FXR1: variants seen among roughly 807,000 people sequenced by gnomAD.
FXR1 encodes the protein RNA-binding protein FXR1.
FXR1 carries 15 observed loss-of-function variants against 84.0 expected under a neutral mutation model. The observed-to-expected ratio is 0.18, with a 90% CI of 0.12 to 0.27. The LOEUF is 0.27. FXR1 is among the 10% of genes least tolerant of loss of function. The pLI is 1.00. For synonymous variants in FXR1, 245 were observed against 250.7 expected (o/e 0.98, Z 0.21); for missense variants, 480 against 774.4 (o/e 0.62, Z 4.51).
Position 180,962,908 on chromosome 3 carries a change from G to A in FXR1, c.1103G>A (p.Arg368His), listed in dbSNP as rs1392737445. 5 of 1,611,502 alleles carry A rather than the reference G, an allele frequency of 3.1e-6. No individual in the cohort carries two copies. The African/African-American group carries it at 4.0e-5, about 13-fold the overall frequency. ...GAAGTAGAACAGCTAAGAATGGAAC[G>A]CCTACAGATTGATGAACAGCTGCGA... ...LKEVEQLRME[R>H]LQIDEQLRQI... Residue 368 changes from arginine (R) to histidine (H), a missense_variant, in exon 12 of 17, where the codon CGC (arginine) becomes CAC (histidine). Arg to His is a conservative substitution (Grantham distance 29). This residue lies in a region of FXR1 where 6 missense variants were observed against 32.8 expected (regional missense o/e 0.18). Coordinates refer to ENST00000357559, the MANE Select transcript of FXR1 (RefSeq NM_005087.4).
In FXR1 at chr3:180,979,409, G is replaced by A. The variant is rs1400487649; in HGVS notation, c.*3117G>A. The stretch of plus-strand genomic sequence containing the variant: ...TTCAAGGAACTTGGATTTGAACTGT[G>A]AATCTACTGTTTTGGCAAAAAATCT... On this transcript the variant is annotated 3_prime_UTR_variant, in exon 17 of 17. Transcript: ENST00000357559. The A allele has an allele frequency of 6.6e-6, 1 of 152,056 alleles. No homozygotes were observed. The highest frequency in any genetic ancestry group is 6.6e-5 in the Admixed American group (1 of 15,250). The allele number at this position is 152,056 out of a possible 1,614,324, so 9.4% of individuals were successfully genotyped here.
intron 2 of FXR1, among the ~76,000 whole-genome samples, chr3:180,934,811 T>C (rs560512885): frequency 1.3e-5 from 2 of 152,230 alleles, no homozygotes; most frequent in African/African-American, 2.4e-5. Flanking sequence ...TAGTCATCAC[T>C]GTGAACTTAG....
At position 180,947,847 on chromosome 3, in the gene FXR1, ATT is replaced by A; in HGVS notation, c.199-10_199-9del. On this transcript the variant is annotated splice_polypyrimidine_tract_variant and intron_variant, in intron 3 of 16. Coordinates refer to ENST00000357559, the MANE Select transcript of FXR1 (RefSeq NM_005087.4). ...TCTTTTGGGATGAATGGATATAGGC[ATT>A]TTTTTTTCTTCTCAGGTATATTCAA... The A allele has an allele frequency of 4.0e-6, 6 of 1,493,766 alleles. No individual in the cohort carries two copies. The highest frequency in any genetic ancestry group is 1.2e-5 in the South Asian group (1 of 82,130). The allele number at this position is 1,493,766 out of a possible 1,614,324, so 92.5% of individuals were successfully genotyped here.
chr3:180,965,592 CAGT>C (rs1712721929), intron 13 of FXR1, among the ~76,000 whole-genome samples: 1 of 152,144 alleles, frequency 6.6e-6, no homozygotes, highest in South Asian at 2.1e-4. Flanking sequence ...ATTCCCCTTT[CAGT>C]AGTTTAGAAA....
chr3:180,948,675 T>C (rs1326277060), intron 5 of FXR1, 46 bp from the exon 6 acceptor site: 1 of 1,078,034 alleles, frequency 9.3e-7, no homozygotes, highest in South Asian at 1.3e-5. Flanking sequence ...CTCCTCTGAC[T>C]TTAATCTGTT....
chr3:180,916,205 C>A (rs1023982234), intron 1 of FXR1, among the ~76,000 whole-genome samples: 4 of 152,088 alleles, frequency 2.6e-5, no homozygotes, highest in Non-Finnish European at 5.9e-5. Context: ...TTTAAGTGTA[C>A]AGTTGAATGA....
chr3:180,951,232 C>T, intron 7 of FXR1, 66 bp from the exon 8 acceptor site: 1 of 1,012,546 alleles, frequency 9.9e-7, no homozygotes, highest in Non-Finnish European at 1.5e-6. Flanking sequence ...GGAAAAAAAC[C>T]AAACCATACA....
At chr3:180,921,731 CAAT>C (rs533705214) in intron 1 of FXR1, among the ~76,000 whole-genome samples, 35 of 152,070 alleles carry the variant, frequency 2.3e-4, no homozygotes, top group Non-Finnish European at 4.4e-4. Flanking sequence ...TGTTGGCTGA[CAAT>C]AAGATATATT....
intron 3 of FXR1, among the ~76,000 whole-genome samples, chr3:180,937,772 C>T (rs370341001): frequency 2.6e-5 from 4 of 151,830 alleles, no homozygotes; most frequent in African/African-American, 9.7e-5. Context: ...GGTAACGTTT[C>T]GAAAGCCTCT....
chr3:180,962,354 C>G lies in FXR1; in HGVS notation c.1078-529C>G, dbSNP rs534146747. Among the ~76,000 whole-genome samples the G allele has an allele frequency of 6.6e-5, 10 of 152,300 alleles. No homozygotes were observed. In the South Asian group the frequency reaches 1.9e-3, roughly 28 times the overall value. ...GAAGCCAGTGCTTTATCTTTCAGTA[C>G]TCATCTTTTAACCAAGAGCTTTCTC... is the stretch of plus-strand genomic sequence containing the variant. On this transcript the variant is annotated intron_variant, in intron 11 of 16. Transcript: ENST00000357559.
rs1327384911 is a variant in FXR1 at position 180,977,086 on chromosome 3, T to C, written c.*794T>C. The C allele has an allele frequency of 1.3e-5, 2 of 152,302 alleles. No homozygotes were observed. The highest frequency in any genetic ancestry group is 2.4e-5 in the African/African-American group (1 of 41,360). 9.4% of individuals were successfully genotyped at this position (152,302 alleles called of 1,614,324 possible). On this transcript the variant is annotated 3_prime_UTR_variant, in exon 17 of 17. Coordinates refer to ENST00000357559, the MANE Select transcript of FXR1 (RefSeq NM_005087.4). The stretch of plus-strand genomic sequence containing the variant: ...ATCTTTTTTTTTTCCTTTTTTTTTT[T>C]TTTATTTCGGTTGTTTGATGTGCAA...
intron 13 of FXR1, among the ~76,000 whole-genome samples, chr3:180,964,697 ATAT>A (rs1712590021): frequency 2.8e-5 from 4 of 142,912 alleles, no homozygotes; most frequent in South Asian, 2.2e-4. Context: ...ATATATATAT[ATAT>A]AATGAGTACT....
intron 2 of FXR1, among the ~76,000 whole-genome samples, chr3:180,934,850 A>G (rs1390281714): frequency 6.6e-6 from 1 of 152,178 alleles, no homozygotes; most frequent in Admixed American, 6.5e-5. Flanking sequence ...TAATGTATGT[A>G]TTGCTCTTAT....
At chr3:180,924,657 A>G (rs1032437292) in intron 1 of FXR1, among the ~76,000 whole-genome samples, 18 of 152,020 alleles carry the variant, frequency 1.2e-4, no homozygotes, top group African/African-American at 4.1e-4. Context: ...AAGATCAACC[A>G]ATTTTTGTAT....
intron 13 of FXR1, among the ~76,000 whole-genome samples, chr3:180,966,725 T>G (rs1047870322): frequency 2.0e-5 from 3 of 152,140 alleles, no homozygotes; most frequent in Non-Finnish European, 4.4e-5. Flanking sequence ...GTGATAGATG[T>G]GGGGCGATTT....
intron 1 of FXR1, among the ~76,000 whole-genome samples, chr3:180,925,619 G>T (rs1301609444): frequency 6.6e-6 from 1 of 152,158 alleles, no homozygotes; most frequent in Non-Finnish European, 1.5e-5. Flanking sequence ...TGACATTTAT[G>T]TCCTGACTGA....
rs542682358 is a variant in FXR1, at chr3:180,965,045, T to C, written c.1198+1955T>C. ...ACTTTTTTTTTTTTGAGACGGAGTT[T>C]CGCTCTTGTTGCCCAGGCTGGAGTG... On this transcript the variant is annotated intron_variant, in intron 13 of 16. Transcript: ENST00000357559. Among the ~76,000 whole-genome samples, 8 of 152,138 alleles carry C rather than the reference T, an allele frequency of 5.3e-5. No individual in the cohort carries two copies. In the East Asian group the frequency reaches 1.6e-3, roughly 30 times the overall value.
intron 3 of FXR1, among the ~76,000 whole-genome samples, chr3:180,937,566 C>T (rs1720665440): frequency 6.6e-6 from 1 of 151,776 alleles, no homozygotes; most frequent in African/African-American, 2.4e-5. Flanking sequence ...CAAATTTGCT[C>T]TCTAGAATTT....
intron 10 of FXR1, 51 bp from the exon 11 acceptor site, chr3:180,961,417 G>T: frequency 1.2e-6 from 1 of 854,170 alleles, no homozygotes; most frequent in South Asian, 1.5e-5. Flanking sequence ...TTTTAGGCTA[G>T]AACTTTGTTA....
Sources: allele counts gnomAD v4.1 joint callset (sites outside exome capture counted in the v4.1 genomes callset), GRCh38; gene constraint gnomAD v4.1.1; regional missense constraint gnomAD v4.1.1; transcripts MANE v1.5; gene names NCBI Gene and HGNC (gene_info 2026-07-23, HGNC 2026-07-21).